CSNK2A2IP: variants seen among roughly 807,000 people sequenced by gnomAD.
The protein encoded by CSNK2A2IP is casein kinase 2 subunit alpha' interacting protein.
the CSNK2A2IP span, among the ~76,000 whole-genome samples, chr3:88,357,431 T>C: frequency 1.3e-4 from 20 of 152,148 alleles, no homozygotes; most frequent in Admixed American, 9.8e-4. Flanking sequence ...GTTGCTGGGT[T>C]CTATTTTGTG....
the CSNK2A2IP span, among the ~76,000 whole-genome samples, chr3:88,417,224 A>T: frequency 6.6e-6 from 1 of 152,122 alleles, no homozygotes; most frequent in South Asian, 2.1e-4. Context: ...CAATATCCAC[A>T]TTTGTTAGTA....
chr3:88,368,929 T>A, the CSNK2A2IP span, among the ~76,000 whole-genome samples: 3 of 152,000 alleles, frequency 2.0e-5, no homozygotes, highest in South Asian at 2.1e-4. Flanking sequence ...CCTCACATGT[T>A]CCTCAAATCT....
At chr3:88,451,731 C>CTT in the CSNK2A2IP span, among the ~76,000 whole-genome samples, 2,497 of 143,406 alleles carry the variant, frequency 0.017, 50 homozygotes, top group African/African-American at 0.041. Context: ...ATCTCTCTCT[C>CTT]TTTTTTTTTT....
At chr3:88,412,133 T>C in the CSNK2A2IP span, among the ~76,000 whole-genome samples, 5 of 151,900 alleles carry the variant, frequency 3.3e-5, no homozygotes, top group Non-Finnish European at 5.9e-5. Context: ...ACTCACTTTA[T>C]TTTTGAAGGG....
the CSNK2A2IP span, among the ~76,000 whole-genome samples, chr3:88,447,323 G>T: frequency 6.6e-6 from 1 of 152,084 alleles, no homozygotes; most frequent in South Asian, 2.1e-4. Flanking sequence ...TAGAGCAAGT[G>T]TTTGCAAGGG....
At chr3:88,449,018 T>C in the CSNK2A2IP span, among the ~76,000 whole-genome samples, 2 of 152,128 alleles carry the variant, frequency 1.3e-5, no homozygotes, top group African/African-American at 4.8e-5. Context: ...AAAAAGAGAA[T>C]ATTCTTTGGG....
At chr3:88,458,195 G>A in the CSNK2A2IP span, among the ~76,000 whole-genome samples, 3 of 125,206 alleles carry the variant, frequency 2.4e-5, no homozygotes, top group Admixed American at 3.0e-4. Context: ...CTGTCACCCA[G>A]GCTTGAGTGC....
chr3:88,411,276 C>A, the CSNK2A2IP span, among the ~76,000 whole-genome samples: 1 of 151,786 alleles, frequency 6.6e-6, no homozygotes, highest in African/African-American at 2.4e-5. Flanking sequence ...TTGTTTCTTC[C>A]TAATTGAGAC....
the CSNK2A2IP span, among the ~76,000 whole-genome samples, chr3:88,390,590 G>A: frequency 6.6e-6 from 1 of 152,176 alleles, no homozygotes; most frequent in Admixed American, 6.5e-5. Context: ...ACTAAATCGA[G>A]TGGGCATTTC....
chr3:88,401,302 T>C, the CSNK2A2IP span, among the ~76,000 whole-genome samples: 1 of 152,084 alleles, frequency 6.6e-6, no homozygotes, highest in African/African-American at 2.4e-5. Flanking sequence ...CAAAATAAGA[T>C]TAACTCTGGG....
At chr3:88,441,946 G>A in the CSNK2A2IP span, among the ~76,000 whole-genome samples, 1 of 152,064 alleles carries the variant, frequency 6.6e-6, no homozygotes, top group African/African-American at 2.4e-5. Flanking sequence ...CTTAAAAACA[G>A]AAGCGAAGTT....
the CSNK2A2IP span, among the ~76,000 whole-genome samples, chr3:88,390,850 A>G: frequency 6.6e-6 from 1 of 152,190 alleles, no homozygotes; most frequent in African/African-American, 2.4e-5. Context: ...ATACTGAAGA[A>G]ATCTGATGAC....
At chr3:88,378,611 C>T in the CSNK2A2IP span, among the ~76,000 whole-genome samples, 1 of 151,950 alleles carries the variant, frequency 6.6e-6, no homozygotes, top group Non-Finnish European at 1.5e-5. Context: ...TGGCTAATGG[C>T]TTCTGTACTG....
At chr3:88,449,874 T>TATATATATATAGAGAGAGAGAGAGAGAG in the CSNK2A2IP span, among the ~76,000 whole-genome samples, 2 of 70,044 alleles carry the variant, frequency 2.9e-5, no homozygotes, top group Admixed American at 1.4e-4. Context: ...TATATATATA[T>TATATATATATAGAGAGAGAGAGAGAGAG]AGAGAGAGAG....
chr3:88,404,995 T>A, the CSNK2A2IP span, among the ~76,000 whole-genome samples: 1 of 152,136 alleles, frequency 6.6e-6, no homozygotes, highest in African/African-American at 2.4e-5. Context: ...ATTCTTTAGG[T>A]GACGTTTGAT....
At chr3:88,400,328 C>A in the CSNK2A2IP span, among the ~76,000 whole-genome samples, 1 of 152,022 alleles carries the variant, frequency 6.6e-6, no homozygotes, top group African/African-American at 2.4e-5. Flanking sequence ...TTAGTTTGAG[C>A]CACCCACTAC....
At chr3:88,421,838 G>A in the CSNK2A2IP span, among the ~76,000 whole-genome samples, 1 of 152,156 alleles carries the variant, frequency 6.6e-6, no homozygotes, top group Non-Finnish European at 1.5e-5. Flanking sequence ...TCTTAGCAGT[G>A]TTGTAAGCTT....
chr3:88,438,506 A>T, the CSNK2A2IP span, among the ~76,000 whole-genome samples: 3 of 152,090 alleles, frequency 2.0e-5, no homozygotes, highest in Admixed American at 2.0e-4. Context: ...GCTTCCCCTA[A>T]AAAAATTTTC....
chr3:88,434,701 C>A, the CSNK2A2IP span, among the ~76,000 whole-genome samples: 1 of 152,116 alleles, frequency 6.6e-6, no homozygotes, highest in African/African-American at 2.4e-5. Flanking sequence ...GCTACTTTAA[C>A]AGTTATTTCA....
Sources: gnomAD v4.1 joint callset for allele counts (sites outside exome capture counted in the v4.1 genomes callset) on GRCh38, gnomAD v4.1.1 for gene constraint, MANE v1.5 for transcripts, NCBI Gene and HGNC (gene_info 2026-07-23, HGNC 2026-07-21) for gene names.